The following CNTN6 variants were observed in gnomAD, a reference collection of about 807,000 sequenced individuals.
CNTN6 encodes the protein contactin 6.
In CNTN6, 137 loss-of-function variants were observed where a neutral mutation model predicts 122.8. The observed-to-expected ratio is 1.12, with a 90% CI of 0.97 to 1.29. The LOEUF (loss-of-function observed/expected upper bound fraction) is 1.29, where lower values mean the gene tolerates loss of function less well. Among genes scored for constraint, CNTN6 ranks in the 50% most tolerant of loss-of-function variants. The probability of loss-of-function intolerance (pLI) is 0.00; values close to 1 mark genes in which losing one functional copy is unlikely to be tolerated. For missense variants in CNTN6, 1,634 were observed against 1,223.4 expected, an observed-to-expected ratio of 1.34 and a Z score of -5.01; for synonymous variants, 570 against 426.0, an observed-to-expected ratio of 1.34 and a Z score of -4.16.
intron 2 of CNTN6, among the ~76,000 whole-genome samples, chr3:1,201,485 C>CATT (rs1399317521): frequency 6.6e-6 from 1 of 151,648 alleles, no homozygotes; most frequent in Admixed American, 6.6e-5. Flanking sequence ...AAAATATCAT[C>CATT]ACTCTCATTT....
chr3:1,369,387 T>C (rs1329754650), intron 12 of CNTN6, among the ~76,000 whole-genome samples: 1 of 151,622 alleles, frequency 6.6e-6, no homozygotes, highest in African/African-American at 2.4e-5. Flanking sequence ...GCGGGTTTTT[T>C]TTTTTTTTTT....
chr3:1,383,994 A>G (rs557208481), intron 19 of CNTN6, among the ~76,000 whole-genome samples: 177 of 150,170 alleles, frequency 1.2e-3, no homozygotes, highest in Non-Finnish European at 1.6e-3. Context: ...TCAGTCTTCA[A>G]TCTGGTCCAC....
chr3:1,326,104 A>C (rs879767458), intron 9 of CNTN6, among the ~76,000 whole-genome samples, 153 bp downstream of exon 9: 14 of 152,044 alleles, frequency 9.2e-5, no homozygotes, highest in South Asian at 6.2e-4. Flanking sequence ...TAATCCTTAA[A>C]TAAACTTACA....
chr3:1,310,681 A>G (rs951113342), intron 7 of CNTN6, among the ~76,000 whole-genome samples: 4 of 152,194 alleles, frequency 2.6e-5, no homozygotes, highest in African/African-American at 9.6e-5. Context: ...GAGATTATGT[A>G]CATAAAGAAG....
intron 8 of CNTN6, among the ~76,000 whole-genome samples, chr3:1,323,986 A>C (rs17037652): frequency 0.1 from 15,482 of 150,230 alleles, 1,624 homozygotes; most frequent in African/African-American, 0.17. Flanking sequence ...ATGAGCATGC[A>C]TTTATTTTCC....
rs1047046472 is a variant in CNTN6 at position 1,311,328 on chromosome 3, A to G, written c.762-10322A>G. ...ATGTACATATAAAATGTATATATAC[A>G]TATATGTACATATAAAATGTCTTTA... On this transcript the variant is annotated intron_variant, in intron 7 of 22. Transcript: ENST00000446702. Among the ~76,000 whole-genome samples the G allele has an allele frequency of 6.3e-5, 9 of 141,902 alleles. No individual in the cohort carries two copies. In the East Asian group the frequency reaches 1.1e-3, roughly 17 times the overall value. 93.1% of individuals were successfully genotyped at this position (141,902 alleles called of 152,430 possible). A position where few individuals can be genotyped will look rare whatever the true frequency, so the allele number is the denominator to read the frequency against.
At chr3:1,112,018 C>T (rs982839721) in intron 1 of CNTN6, among the ~76,000 whole-genome samples, 9 of 152,178 alleles carry the variant, frequency 5.9e-5, no homozygotes, top group African/African-American at 1.7e-4. Context: ...TTATTTTGCC[C>T]TAGGGGTGCC....
intron 2 of CNTN6, among the ~76,000 whole-genome samples, chr3:1,200,524 G>A (rs2093848142): frequency 6.6e-6 from 1 of 152,162 alleles, no homozygotes; most frequent in African/African-American, 2.4e-5. Context: ...GGTCTGGCAG[G>A]CAAATAAAGA....
intron 12 of CNTN6, among the ~76,000 whole-genome samples, chr3:1,365,736 C>T (rs1041114547): frequency 6.6e-6 from 1 of 151,918 alleles, no homozygotes; most frequent in Non-Finnish European, 1.5e-5. Context: ...ATAAGAATTC[C>T]TTTCATTTAG....
chr3:1,242,383 T>G (rs930914397), intron 4 of CNTN6, among the ~76,000 whole-genome samples: 3 of 151,898 alleles, frequency 2.0e-5, no homozygotes, highest in African/African-American at 7.3e-5. Flanking sequence ...GCAAAACAAT[T>G]TGGTTGATAA....
At chr3:1,249,448 C>T (rs1373279698) in intron 4 of CNTN6, among the ~76,000 whole-genome samples, 7 of 152,110 alleles carry the variant, frequency 4.6e-5, no homozygotes, top group Non-Finnish European at 8.8e-5. Flanking sequence ...TGGAATAAAG[C>T]ACCAGGAAAA....
chr3:1,355,376 T>TAGA (rs1706383023), intron 12 of CNTN6, among the ~76,000 whole-genome samples: 1 of 151,736 alleles, frequency 6.6e-6, no homozygotes, highest in Non-Finnish European at 1.5e-5. Flanking sequence ...TCTAAGTCTA[T>TAGA]TATTACCATG....
At chr3:1,267,130 T>G (rs374246196) in intron 4 of CNTN6, among the ~76,000 whole-genome samples, 157 of 152,122 alleles carry the variant, frequency 1.0e-3, no homozygotes, top group African/African-American at 3.4e-3. Flanking sequence ...CTGCTAAGAC[T>G]TAAGTACAAG....
At chr3:1,117,596 G>C (rs1280250512) in intron 1 of CNTN6, among the ~76,000 whole-genome samples, 1 of 152,164 alleles carries the variant, frequency 6.6e-6, no homozygotes. Context: ...CCTACAACCT[G>C]TTAGTATGCA....
chr3:1,162,969 G>C (rs1443070351), intron 2 of CNTN6, among the ~76,000 whole-genome samples: 1 of 152,180 alleles, frequency 6.6e-6, no homozygotes, highest in Non-Finnish European at 1.5e-5. Flanking sequence ...AATCATCTGT[G>C]CCTAGGGACT....
Position 1,325,833 on chromosome 3 carries a change from A to C in CNTN6, c.965A>C (p.Gln322Pro). The C allele has an allele frequency of 6.2e-7, 1 of 1,610,616 alleles. No individual in the cohort carries two copies. The highest frequency in any genetic ancestry group is 8.5e-7 in the Non-Finnish European group (1 of 1,178,300). The change falls in exon 9 of 23, where the codon CAG becomes CCG. Residue 322 changes from glutamine to proline, a missense_variant. Coordinates refer to ENST00000446702, the MANE Select transcript of CNTN6 (RefSeq NM_001289080.2). ...LIFYAPPEWE[Q>P]KIQNTHLSIY... ...GAAACAGCTCCTCCAGAATGGGAAC[A>C]GAAAATCCAAAATACACACCTCTCT...
intron 7 of CNTN6, among the ~76,000 whole-genome samples, chr3:1,316,078 C>A (rs1014918372): frequency 3.9e-5 from 6 of 151,908 alleles, no homozygotes; most frequent in African/African-American, 1.4e-4. Context: ...ATTGAACACT[C>A]AAACATATTG....
intron 2 of CNTN6, among the ~76,000 whole-genome samples, chr3:1,168,378 T>C (rs572362687): frequency 6.7e-6 from 1 of 148,170 alleles, no homozygotes; most frequent in East Asian, 2.0e-4. Context: ...AGTGCACATC[T>C]AGTATGACTG....
chr3:1,316,344 C>T (rs560607049), intron 7 of CNTN6, among the ~76,000 whole-genome samples: 1 of 151,794 alleles, frequency 6.6e-6, no homozygotes, highest in African/African-American at 2.4e-5. Flanking sequence ...AGGAAACTTA[C>T]AATCATGGTA....
Sources: gnomAD v4.1 joint callset for allele counts (sites outside exome capture counted in the v4.1 genomes callset) on GRCh38, gnomAD v4.1.1 for gene constraint, MANE v1.5 for transcripts, NCBI Gene and HGNC (gene_info 2026-07-23, HGNC 2026-07-21) for gene names.